DCLK2: variants seen among roughly 807,000 people sequenced by gnomAD.
DCLK2 encodes serine/threonine-protein kinase DCLK2.
DCLK2 carries 31 observed loss-of-function variants against 78.4 expected under a neutral mutation model. That is an observed-to-expected ratio of 0.40 (90% confidence interval 0.30 to 0.53). The LOEUF (loss-of-function observed/expected upper bound fraction) is 0.53. Ranked by LOEUF, DCLK2 falls within the 20% of genes least tolerant of loss-of-function variation. The probability of loss-of-function intolerance (pLI) is 0.61; values close to 1 mark genes in which losing one functional copy is unlikely to be tolerated. For synonymous variants in DCLK2, 407 were observed against 374.9 expected (o/e 1.09, Z -0.99); for missense variants, 872 against 973.7 (o/e 0.90, Z 1.39).
intron 2 of DCLK2, among the ~76,000 whole-genome samples, chr4:150,158,352 T>C (rs990648958): frequency 2.6e-5 from 4 of 152,236 alleles, no homozygotes; most frequent in African/African-American, 9.6e-5. Flanking sequence ...AGTCACATTC[T>C]GCTGTCCTAG....
chr4:150,249,759 G>A, intron 15 of DCLK2, 75 bp downstream of exon 15: 1 of 1,200,598 alleles, frequency 8.3e-7, no homozygotes, highest in African/African-American at 1.5e-5. Flanking sequence ...GCCGGGAGCT[G>A]CCCTCACATG....
At chr4:150,250,525 G>C (rs1404232546) in intron 15 of DCLK2, among the ~76,000 whole-genome samples, 1 of 151,760 alleles carries the variant, frequency 6.6e-6, no homozygotes, top group African/African-American at 2.4e-5. Context: ...CCAGGAGCAG[G>C]GAACAGGGGT....
chr4:150,203,667 C>A, intron 4 of DCLK2, 128 bp from the exon 5 acceptor site: 1 of 543,254 alleles, frequency 1.8e-6, no homozygotes. Context: ...GATTTGCCGT[C>A]TGCTTTGAGC....
chr4:150,145,113 AT>A (rs1734379415), intron 2 of DCLK2, among the ~76,000 whole-genome samples: 1 of 151,828 alleles, frequency 6.6e-6, no homozygotes, highest in South Asian at 2.1e-4. Flanking sequence ...TGGTTATTTT[AT>A]TTTTTTGTTG....
intron 15 of DCLK2, among the ~76,000 whole-genome samples, chr4:150,255,246 C>T (rs1560920597): frequency 6.6e-6 from 1 of 152,230 alleles, no homozygotes; most frequent in Non-Finnish European, 1.5e-5. Flanking sequence ...TGGGAACTGC[C>T]ATCTCCTTCA....
chr4:150,221,837 A>C, intron 7 of DCLK2, 52 bp downstream of exon 7: 1 of 1,173,814 alleles, frequency 8.5e-7, no homozygotes, highest in East Asian at 2.6e-5. Context: ...TAAATAATGA[A>C]AACTGTATCA....
At chr4:150,236,224 A>G (rs764967323) in intron 10 of DCLK2, among the ~76,000 whole-genome samples, 1 of 152,206 alleles carries the variant, frequency 6.6e-6, no homozygotes, top group Non-Finnish European at 1.5e-5. Flanking sequence ...CTGCAGGGCT[A>G]GAGTTCTCAC....
intron 2 of DCLK2, among the ~76,000 whole-genome samples, chr4:150,148,277 A>C (rs1260628093): frequency 6.6e-6 from 1 of 151,936 alleles, no homozygotes; most frequent in African/African-American, 2.4e-5. Flanking sequence ...AGGCAGGAGG[A>C]TTGCTTGAAC....
chr4:150,086,287 A>T (rs1328604197), intron 1 of DCLK2, among the ~76,000 whole-genome samples: 1 of 152,188 alleles, frequency 6.6e-6, no homozygotes, highest in Non-Finnish European at 1.5e-5. Context: ...TAAGATAGCC[A>T]GTTGGACAGT....
chr4:150,254,398 G>A (rs1344393571), intron 15 of DCLK2: 11 of 398,958 alleles, frequency 2.8e-5, no homozygotes, highest in Middle Eastern at 6.2e-4. Flanking sequence ...TGCCTCTCCC[G>A]CCGCCTGCAT....
rs958430773 is a variant in DCLK2 at position 150,253,808 on chromosome 4, T to C, written c.2074-2212T>C. On this transcript the variant is annotated intron_variant, in intron 15 of 15. Coordinates refer to ENST00000296550, the MANE Select transcript of DCLK2 (RefSeq NM_001040260.4). Reference sequence around the variant, plus strand: ...TGAGAGCACGGGAGGAGTCCCATAGTTCTCCTACCGATGCTGTTTCCCACT... The same window carrying C: ...TGAGAGCACGGGAGGAGTCCCATAGCTCTCCTACCGATGCTGTTTCCCACT... 14 of 985,350 alleles carry C rather than the reference T, an allele frequency of 1.4e-5. No homozygotes were observed. The African/African-American group carries it at 2.4e-4, about 17-fold the overall frequency. The allele number at this position is 985,350 out of a possible 1,614,324, so 61.0% of individuals were successfully genotyped here.
intron 5 of DCLK2, among the ~76,000 whole-genome samples, chr4:150,218,733 CTG>C (rs1360116644): frequency 1.3e-5 from 2 of 152,194 alleles, no homozygotes; most frequent in Non-Finnish European, 2.9e-5. Flanking sequence ...TTGCCCTGGG[CTG>C]TGAGATTTAA....
intron 2 of DCLK2, among the ~76,000 whole-genome samples, chr4:150,109,416 T>A (rs1167264622): frequency 6.6e-6 from 1 of 151,514 alleles, no homozygotes; most frequent in African/African-American, 2.4e-5. Context: ...CTCACTGCAG[T>A]CTCTGCCTCC....
intron 2 of DCLK2, among the ~76,000 whole-genome samples, chr4:150,156,913 G>T (rs961088668): frequency 6.6e-6 from 1 of 151,510 alleles, no homozygotes; most frequent in Non-Finnish European, 1.5e-5. Context: ...TGAGGCCACC[G>T]ATGTGCGCCA....
At chr4:150,124,521 T>A (rs1316380124) in intron 2 of DCLK2, among the ~76,000 whole-genome samples, 3 of 152,228 alleles carry the variant, frequency 2.0e-5, no homozygotes, top group Admixed American at 1.3e-4. Context: ...AAGCTGACGT[T>A]AGTTACATGG....
In DCLK2 at chr4:150,249,563, T is replaced by C. The variant is rs75880341; in HGVS notation, c.1957-5T>C. On this transcript the variant is annotated splice_region_variant and splice_polypyrimidine_tract_variant and intron_variant, in intron 14 of 15. Coordinates refer to ENST00000296550, the MANE Select transcript of DCLK2 (RefSeq NM_001040260.4). ...CATTGTATTTGATTGTTTTCTTTCC[T>C]GTAGGATGATGCCTCCCAGGAGAAT... The C allele has an allele frequency of 6.2e-7, 1 of 1,611,960 alleles. No individual in the cohort carries two copies.
chr4:150,168,037 T>C (rs1326552389), intron 2 of DCLK2, among the ~76,000 whole-genome samples: 1 of 152,114 alleles, frequency 6.6e-6, no homozygotes. Context: ...CCCAGAAGCA[T>C]GCCAACGTGT....
At chr4:150,135,262 A>C (rs563789756) in intron 2 of DCLK2, among the ~76,000 whole-genome samples, 1 of 152,112 alleles carries the variant, frequency 6.6e-6, no homozygotes, top group African/African-American at 2.4e-5. Flanking sequence ...GCACATTAGC[A>C]TATCAGAAAC....
At chr4:150,143,860 G>A (rs138151376) in intron 2 of DCLK2, among the ~76,000 whole-genome samples, 3,184 of 151,756 alleles carry the variant, frequency 0.021, 42 homozygotes, top group Non-Finnish European at 0.035. Context: ...TTTGAGAAGT[G>A]TCTGTTCATG....
Sources: allele counts gnomAD v4.1 joint callset (sites outside exome capture counted in the v4.1 genomes callset), GRCh38; gene constraint gnomAD v4.1.1; transcripts MANE v1.5; gene names NCBI Gene and HGNC (gene_info 2026-07-23, HGNC 2026-07-21).